GAMT: variants seen among roughly 807,000 people sequenced by gnomAD.
The protein encoded by GAMT is guanidinoacetate N-methyltransferase.
GAMT carries 26 observed loss-of-function variants against 26.9 expected under a neutral mutation model. That is an observed-to-expected ratio of 0.97 (90% CI 0.71 to 1.34). The LOEUF (loss-of-function observed/expected upper bound fraction) is 1.34, where lower values mean the gene tolerates loss of function less well. Among genes scored for constraint, GAMT ranks in the 40% most tolerant of loss-of-function variants. The pLI, the probability that GAMT is intolerant of heterozygous loss-of-function variation, is 0.00. For missense variants in GAMT, 412 were observed against 345.0 expected (o/e 1.19, Z -1.54); for synonymous variants, 169 against 149.6 (o/e 1.13, Z -0.95).
At chr19:1,398,873 G>T in intron 5 of GAMT, 43 bp downstream of exon 5, 1 of 1,610,232 alleles carries the variant, frequency 6.2e-7, no homozygotes, top group Non-Finnish European at 8.5e-7. Flanking sequence ...CCCCATCCAA[G>T]GTCACTTCCT....
chr19:1,397,182 G>A lies in GAMT; in HGVS notation c.*177C>T, dbSNP rs1475317607. On this transcript the variant is annotated 3_prime_UTR_variant, in exon 6 of 6. Transcript: ENST00000252288. ...TGACCCTCACAGAGAAGCTGGGAAA[G>A]CTGCTGGTGACACACAGCTGGGATC... is the stretch of plus-strand genomic sequence containing the variant. 1 of 725,388 alleles carries A rather than the reference G, an allele frequency of 1.4e-6. No individual in the cohort carries two copies. The highest frequency in any genetic ancestry group is 2.2e-6 in the Non-Finnish European group (1 of 448,042). The allele number at this position is 725,388 out of a possible 1,614,324, so 44.9% of individuals were successfully genotyped here. A position where few individuals can be genotyped will look rare whatever the true frequency, so the allele number is the denominator to read the frequency against.
intron 5 of GAMT, chr19:1,398,309 G>C (rs1263064835): frequency 5.4e-6 from 1 of 185,546 alleles, no homozygotes; most frequent in Non-Finnish European, 1.1e-5. Context: ...TGTTGGCCAG[G>C]CTAGGCTCAA....
In GAMT at chr19:1,401,486, T is replaced by C. The variant is rs1600160780; in HGVS notation, c.-10A>G. On this transcript the variant is annotated 5_prime_UTR_variant, in exon 1 of 6. Transcript: ENST00000252288. ...CGCTGGGGGCGCTCATGCTGCAGGC[T>C]GGACGGCGACCCGACCTCGATCGCG... 5.3e-6 allele frequency: 7 copies of C among 1,314,936 alleles called. No homozygotes were observed. The highest frequency in any genetic ancestry group is 1.5e-5 in the African/African-American group (1 of 65,088). The allele number at this position is 1,314,936 out of a possible 1,614,324, so 81.5% of individuals were successfully genotyped here. A position where few individuals can be genotyped will look rare whatever the true frequency, so the allele number is the denominator to read the frequency against.
chr19:1,399,032 G>A lies in GAMT; in HGVS notation c.460-6C>T, dbSNP rs777981486. 9 of 1,613,464 alleles carry A rather than the reference G, an allele frequency of 5.6e-6. No homozygotes were observed. The highest frequency in any genetic ancestry group is 7.6e-6 in the Non-Finnish European group (9 of 1,180,012). On this transcript the variant is annotated splice_polypyrimidine_tract_variant and splice_region_variant and intron_variant, in intron 4 of 5. Transcript: ENST00000252288. This position sits in a 1 kb window ranked among gnomAD's most constrained non-coding sequence, Gnocchi z 6.2. ...AGCAGGCGAAAGGCGTGGTTCTGTG[G>A]AAGGGGAGTGGCCAGTGGTCAGGAC...
Position 1,399,327 on chromosome 19 carries a change from G to A in GAMT, c.392-132C>T. The A allele has an allele frequency of 8.8e-7, 1 of 1,141,922 alleles. No individual in the cohort carries two copies. Among genetic ancestry groups the A allele is most frequent in the Non-Finnish European group, 1.3e-6 (1 of 766,428 alleles). The allele number at this position is 1,141,922 out of a possible 1,614,324, so 70.7% of individuals were successfully genotyped here. A position where few individuals can be genotyped will look rare whatever the true frequency, so the allele number is the denominator to read the frequency against. On this transcript the variant is annotated intron_variant, in intron 3 of 5. Transcript: ENST00000252288. This position sits in a 1 kb window ranked among gnomAD's most constrained non-coding sequence, Gnocchi z 6.2. ...GGGTAGAGGTGGGGCTCCCACACAG[G>A]CTTGAGAACCCCGAGATCGCCTCCA...
Position 1,398,912 on chromosome 19 carries a change from G to T in GAMT, c.570+4C>A. ...GACCCATGGGGAACTTCAGGTGGGCGCACCTCAAACATGATGGTGATGTCT... is the reference window on the plus strand; with the variant it reads ...GACCCATGGGGAACTTCAGGTGGGCTCACCTCAAACATGATGGTGATGTCT... On this transcript the variant is annotated splice_donor_region_variant and intron_variant, in intron 5 of 5. Transcript: ENST00000252288. The T allele has an allele frequency of 6.2e-7, 1 of 1,613,276 alleles. No individual in the cohort carries two copies. The highest frequency in any genetic ancestry group is 8.5e-7 in the Non-Finnish European group (1 of 1,179,994).
intron 5 of GAMT, chr19:1,398,419 A>G: frequency 3.0e-6 from 1 of 337,520 alleles, no homozygotes; most frequent in East Asian, 4.8e-5. Flanking sequence ...TTTTTTTTAA[A>G]TTTTCTTTCT....
In GAMT at chr19:1,399,642, C is replaced by T. The variant is rs2082621669; in HGVS notation, c.328-55G>A. 9.5e-6 allele frequency: 15 copies of T among 1,572,020 alleles called. No homozygotes were observed. The highest frequency in any genetic ancestry group is 1.1e-5 in the Non-Finnish European group (13 of 1,154,016). ...CAGGGTAGAGAGGTCCCCAGGATCT[C>T]CCCACCTGCAGAAAGGGAGCGGCCA... On this transcript the variant is annotated intron_variant, in intron 2 of 5. Transcript: ENST00000252288. This position sits in a 1 kb window ranked among gnomAD's most constrained non-coding sequence, Gnocchi z 6.2.
rs1427932656 is a variant in GAMT, at chr19:1,397,177, G to A, written c.*182C>T. 4.2e-6 allele frequency: 3 copies of A among 709,174 alleles called. No individual in the cohort carries two copies. In the Admixed American group the frequency reaches 8.3e-5, roughly 20 times the overall value. The allele number at this position is 709,174 out of a possible 1,614,324, so 43.9% of individuals were successfully genotyped here. A position where few individuals can be genotyped will look rare whatever the true frequency, so the allele number is the denominator to read the frequency against. On this transcript the variant is annotated 3_prime_UTR_variant, in exon 6 of 6. Coordinates refer to ENST00000252288, the MANE Select transcript of GAMT (RefSeq NM_000156.6). ...AGCAGTGACCCTCACAGAGAAGCTG[G>A]GAAAGCTGCTGGTGACACACAGCTG...
Position 1,399,160 on chromosome 19 carries a change from TCTC to T in GAMT, c.424_426del (p.Glu142del), listed in dbSNP as rs1736323141. On this transcript the variant is annotated inframe_deletion, in exon 4 of 6. Transcript: ENST00000252288. The surrounding 1 kb of genome is among the most constrained non-coding windows in gnomAD (Gnocchi z 6.2). ...AAGTTGAACTGGTGTGTGTGCCAGG[TCTC>T]CTCCGAGAGTGGGTACGTGTCGTAC... 2.5e-6 allele frequency: 4 copies of T among 1,613,498 alleles called. No individual in the cohort carries two copies. Among genetic ancestry groups the T allele is most frequent in the South Asian group, 1.1e-5 (1 of 91,076 alleles).
At position 1,401,326 on chromosome 19, in the gene GAMT, G is replaced by C. The variant is rs1131691409; in HGVS notation, c.151C>G (p.His51Asp). The change falls in exon 1 of 6, where the codon CAC (histidine) becomes GAC (aspartate). Residue 51 changes from histidine (H) to aspartate (D), a missense_variant. By Grantham distance (81) the His-to-Asp change is moderately conservative. Transcript: ENST00000252288. ...GAGGAGGCGGCGGCGGCCAGCGCGT[G>C]CATATAGGGGGTCTCCCAGCGCTCC... ...VMERWETPYM[H>D]ALAAAASSKG... is the part of the protein sequence containing the mutation. The C allele has an allele frequency of 2.6e-6, 4 of 1,525,236 alleles. No individual in the cohort carries two copies. Among genetic ancestry groups the C allele is most frequent in the Non-Finnish European group, 3.5e-6 (4 of 1,143,252 alleles). 94.5% of individuals were successfully genotyped at this position (1,525,236 alleles called of 1,614,324 possible).
At chr19:1,397,564 C>T (rs941999846) in intron 5 of GAMT, 65 bp from the exon 6 acceptor site, 1 of 1,589,210 alleles carries the variant, frequency 6.3e-7, no homozygotes, top group Non-Finnish European at 8.5e-7. Context: ...CTGGCGCCCA[C>T]CCCTCATTGA....
rs780692296 is a variant in GAMT at position 1,399,219 on chromosome 19, G to A, written c.392-24C>T. On this transcript the variant is annotated intron_variant, in intron 3 of 5. Transcript: ENST00000252288. This position sits in a 1 kb window ranked among gnomAD's most constrained non-coding sequence, Gnocchi z 6.2. ...CCCTGCACGGAGAACAGAAGCCCAC[G>A]CGGTCAGGGCCGGGCTCAGCGCCTC... is the stretch of plus-strand genomic sequence containing the variant. 12 of 1,612,486 alleles carry A rather than the reference G, an allele frequency of 7.4e-6. No individual in the cohort carries two copies. The African/African-American group carries it at 9.3e-5, about 13-fold the overall frequency.
intron 1 of GAMT, among the ~76,000 whole-genome samples, chr19:1,400,551 T>TC (rs2082628150): frequency 6.6e-6 from 1 of 152,156 alleles, no homozygotes; most frequent in Non-Finnish European, 1.5e-5. Context: ...ACGCTGTTTG[T>TC]CCCGGGTCCC....
chr19:1,401,225 C>G (rs1448219154), intron 1 of GAMT, 71 bp downstream of exon 1: 19 of 1,252,566 alleles, frequency 1.5e-5, no homozygotes, highest in Non-Finnish European at 1.9e-5. Context: ...TGCAGAGTCC[C>G]CGGGTCGGGG....
rs1161007518 is a variant in GAMT, at chr19:1,399,170, G to A, written c.417C>T (p.Leu139=). Residue 139 remains leucine, a synonymous_variant, in exon 4 of 6, where the codon CTC becomes CTT. Transcript: ENST00000252288. The surrounding 1 kb of genome is among the most constrained non-coding windows in gnomAD (Gnocchi z 6.2). ...FDGILYDTYP[L]SEETWHTHQF... ...GGTGTGTGTGCCAGGTCTCCTCCGAGAGTGGGTACGTGTCGTACAGGATCC... is the reference window on the plus strand; with the variant it reads ...GGTGTGTGTGCCAGGTCTCCTCCGAAAGTGGGTACGTGTCGTACAGGATCC... The A allele has an allele frequency of 6.2e-7, 1 of 1,613,616 alleles. No individual in the cohort carries two copies. The highest frequency in any genetic ancestry group is 1.3e-5 in the African/African-American group (1 of 74,934).
intron 1 of GAMT, among the ~76,000 whole-genome samples, chr19:1,400,706 C>T (rs906173415): frequency 5.9e-5 from 9 of 152,330 alleles, no homozygotes; most frequent in Middle Eastern, 6.8e-3. Context: ...GCCCCCCGCT[C>T]AATCCTGATT....
Position 1,398,986 on chromosome 19 carries a change from G to A in GAMT, c.500C>T (p.Thr167Ile), listed in dbSNP as rs374762419. 7.4e-6 allele frequency: 12 copies of A among 1,613,404 alleles called. No individual in the cohort carries two copies. The highest frequency in any genetic ancestry group is 1.3e-5 in the African/African-American group (1 of 74,944). ...CCCCCAGGAGGTGAGGTTGCAGTAGGTGAGGACGCCCCCCGGCTTCAGCAG... is the reference window on the plus strand; with the variant it reads ...CCCCCAGGAGGTGAGGTTGCAGTAGATGAGGACGCCCCCCGGCTTCAGCAG... ...FRLLKPGGVL[T>I]YCNLTSWGEL... Residue 167 changes from threonine (T) to isoleucine (I), a missense_variant, in exon 5 of 6, where the codon ACC becomes ATC. Coordinates refer to ENST00000252288, the MANE Select transcript of GAMT (RefSeq NM_000156.6).
intron 5 of GAMT, chr19:1,398,239 A>G: frequency 3.9e-6 from 1 of 258,532 alleles, no homozygotes; most frequent in Non-Finnish European, 6.1e-6. Flanking sequence ...CTGGAATTAC[A>G]GGCGCCCGCC....
Sources: gnomAD v4.1 joint callset for allele counts (sites outside exome capture counted in the v4.1 genomes callset) on GRCh38, gnomAD v4.1.1 for gene constraint, Gnocchi (gnomAD v3.1) non-coding constraint, MANE v1.5 for transcripts, NCBI Gene and HGNC (gene_info 2026-07-23, HGNC 2026-07-21) for gene names.